Variants in ALOX5AP observed in about 807,000 individuals in gnomAD.
The protein encoded by ALOX5AP is arachidonate 5-lipoxygenase-activating protein.
Under a neutral mutation model 18.5 loss-of-function variants are expected in ALOX5AP, and 9 were observed. The observed-to-expected ratio is 0.49, with a 90% CI of 0.29 to 0.85. ALOX5AP has a LOEUF of 0.85. Among genes scored for constraint, ALOX5AP ranks in the 40% least tolerant of loss-of-function variants. ALOX5AP has a pLI of 0.08. For missense variants in ALOX5AP, 172 were observed against 202.5 expected (o/e 0.85, Z 0.91); for synonymous variants, 81 against 78.6 (o/e 1.03, Z -0.16).
intron 1 of ALOX5AP, among the ~76,000 whole-genome samples, chr13:30,738,936 A>G (rs1301631596): frequency 1.3e-5 from 2 of 151,768 alleles, no homozygotes; most frequent in African/African-American, 2.4e-5. Context: ...CCACCCCAAC[A>G]CACACACACA....
At chr13:30,762,358 G>T (rs1951948742) in intron 4 of ALOX5AP, among the ~76,000 whole-genome samples, 1 of 152,192 alleles carries the variant, frequency 6.6e-6, no homozygotes, top group South Asian at 2.1e-4. Context: ...GGAGGCCGAG[G>T]TGGGCAGATC....
At chr13:30,723,653 A>G (rs540218470) in intron 1 of ALOX5AP, among the ~76,000 whole-genome samples, 1 of 152,380 alleles carries the variant, frequency 6.6e-6, no homozygotes, top group Non-Finnish European at 1.5e-5. Context: ...TTTGGTTAAT[A>G]TAAATTCCTT....
chr13:30,755,388 C>T lies in ALOX5AP; in HGVS notation c.242-556C>T, dbSNP rs17239207. Among the ~76,000 whole-genome samples, 1,409 of 152,304 alleles carry T rather than the reference C, an allele frequency of 9.3e-3. 24 individuals carry two copies. The highest frequency in any genetic ancestry group is 0.032 in the African/African-American group (1,323 of 41,556). ...AAGCCCTACCCTCTGCCCCCTTTTA[C>T]GAGCTGACAGCCTTATGCAAGCCTG... is the stretch of plus-strand genomic sequence containing the variant. On this transcript the variant is annotated intron_variant, in intron 3 of 4. Coordinates refer to ENST00000380490, the MANE Select transcript of ALOX5AP (RefSeq NM_001629.4).
Position 30,744,061 on chromosome 13 carries a change from A to G in ALOX5AP, c.72A>G (p.Gly24=). 3.1e-6 allele frequency: 5 copies of G among 1,613,904 alleles called. No homozygotes were observed. In the Middle Eastern group the frequency reaches 6.6e-4, roughly 213 times the overall value. ...GATGCAAACCTTTTCCCTTGGCAGG[A>G]TTCTTTGCCCATAAAGTGGAGCACG... ...IVTLISVVQN[G]FFAHKVEHES... is the part of the protein sequence containing the mutation. The change falls in exon 2 of 5, where the codon GGA becomes GGG. Residue 24 remains glycine, a splice_region_variant and synonymous_variant. Coordinates refer to ENST00000380490, the MANE Select transcript of ALOX5AP (RefSeq NM_001629.4).
In ALOX5AP at chr13:30,729,577, T is replaced by TTA. The variant is rs553524243; in HGVS notation, c.117-5973_117-5972insAT. Among the ~76,000 whole-genome samples the TTA allele has an allele frequency of 2.3e-4, 3 of 12,986 alleles. No homozygotes were observed. In the Non-Finnish European group the frequency reaches 2.8e-3, roughly 12 times the overall value. The allele number at this position is 12,986 out of a possible 152,430, so 8.5% of individuals were successfully genotyped here. On this transcript the variant is annotated intron_variant, in intron 1 of 5. Transcript: ENST00000617770. ...CAAAGAAATCCATGTCTAACCTGTA[T>TTA]TTTTTTTTTTTTTTTTTTAGATGGG...
chr13:30,743,087 A>T (rs543705113), intron 1 of ALOX5AP, among the ~76,000 whole-genome samples: 1 of 152,018 alleles, frequency 6.6e-6, no homozygotes, highest in Admixed American at 6.5e-5. Flanking sequence ...CTCAGACGGA[A>T]CTAAGTTCTG....
At chr13:30,716,231 TTTGA>T (rs1234375844) in intron 1 of ALOX5AP, among the ~76,000 whole-genome samples, 1 of 152,236 alleles carries the variant, frequency 6.6e-6, no homozygotes, top group Non-Finnish European at 1.5e-5. Flanking sequence ...GGCTCCATGC[TTTGA>T]TTGACTCTAC....
At chr13:30,744,206 G>T (rs1319089254) in intron 2 of ALOX5AP, 47 bp downstream of exon 2, 1 of 1,557,328 alleles carries the variant, frequency 6.4e-7, no homozygotes, top group Non-Finnish European at 8.8e-7. Context: ...CATGGGCAGG[G>T]GGGCCTCCTT....
chr13:30,722,142 AGAAAGC>A (rs1951599035), intron 1 of ALOX5AP, among the ~76,000 whole-genome samples: 1 of 152,252 alleles, frequency 6.6e-6, no homozygotes, highest in African/African-American at 2.4e-5. Context: ...GGGATTTCCA[AGAAAGC>A]TCGTTGAAGA....
At chr13:30,757,376 C>T (rs966689091) in intron 4 of ALOX5AP, among the ~76,000 whole-genome samples, 1 of 152,122 alleles carries the variant, frequency 6.6e-6, no homozygotes, top group African/African-American at 2.4e-5. Flanking sequence ...CAGATCCTTC[C>T]CTGTGCCATC....
exon 1 of ALOX5AP, chr13:30,713,741 C>A: frequency 6.5e-7 from 1 of 1,533,614 alleles, no homozygotes; most frequent in Non-Finnish European, 8.7e-7. Flanking sequence ...CACATTTAAT[C>A]ACGATGCTCC....
intron 1 of ALOX5AP, among the ~76,000 whole-genome samples, chr13:30,739,405 A>T (rs1951745406): frequency 6.6e-6 from 1 of 152,192 alleles, no homozygotes; most frequent in Admixed American, 6.5e-5. Context: ...ACAGGTCTTT[A>T]TAAGTGTATG....
At chr13:30,730,494 T>C (rs2137796768) in intron 1 of ALOX5AP, among the ~76,000 whole-genome samples, 1 of 152,332 alleles carries the variant, frequency 6.6e-6, no homozygotes, top group East Asian at 1.9e-4. Context: ...TAACCATCCA[T>C]AATTCCAGCC....
chr13:30,731,818 C>T (rs1186775716), upstream of ALOX5AP, among the ~76,000 whole-genome samples: 1 of 152,242 alleles, frequency 6.6e-6, no homozygotes, highest in Non-Finnish European at 1.5e-5. Flanking sequence ...ACGACACAGC[C>T]GCTCAGCGGC....
chr13:30,720,280 A>G (rs1454866755), intron 1 of ALOX5AP, among the ~76,000 whole-genome samples: 5 of 152,234 alleles, frequency 3.3e-5, no homozygotes, highest in Non-Finnish European at 5.9e-5. Context: ...CTGGCTACCT[A>G]GAAAGATCTT....
chr13:30,722,957 A>G (rs4505166), intron 1 of ALOX5AP, among the ~76,000 whole-genome samples: 20,157 of 152,184 alleles, frequency 0.13, 1,363 homozygotes, highest in South Asian at 0.21. Context: ...TGTTGGTTCC[A>G]TGCTTCTTGT....
chr13:30,749,451 T>C (rs1388086043), intron 2 of ALOX5AP, among the ~76,000 whole-genome samples: 5 of 152,222 alleles, frequency 3.3e-5, no homozygotes, highest in African/African-American at 1.2e-4. Flanking sequence ...AGGAATTTTT[T>C]CTCTAAGTTT....
chr13:30,755,808 C>G, intron 3 of ALOX5AP, 136 bp from the exon 4 acceptor site: 2 of 768,854 alleles, frequency 2.6e-6, no homozygotes. Flanking sequence ...CAGGTTTCCT[C>G]TAGCCCTTGG....
intron 1 of ALOX5AP, among the ~76,000 whole-genome samples, chr13:30,718,986 C>T (rs78089980): frequency 0.026 from 3,897 of 152,250 alleles, 173 homozygotes; most frequent in African/African-American, 0.089. Flanking sequence ...TTTTTGTGTT[C>T]TGCCATCAAG....
Sources: gnomAD v4.1 joint callset for allele counts (sites outside exome capture counted in the v4.1 genomes callset) on GRCh38, gnomAD v4.1.1 for gene constraint, MANE v1.5 for transcripts, NCBI Gene and HGNC (gene_info 2026-07-23, HGNC 2026-07-21) for gene names.